The following RNF157 variants were observed in gnomAD, a reference collection of about 807,000 sequenced individuals.
RNF157 encodes ring finger protein 157, also known as E3 ubiquitin ligase RNF157.
In RNF157, 55 loss-of-function variants were observed where a neutral mutation model predicts 88.3. The ratio of observed to expected loss-of-function variants is 0.62; its 90% confidence interval spans 0.50 to 0.78. RNF157 has a LOEUF of 0.78. Ranked by LOEUF, RNF157 falls within the 30% of genes least tolerant of loss-of-function variation. The pLI, the probability that RNF157 is intolerant of heterozygous loss-of-function variation, is 0.00. For synonymous variants in RNF157, 334 were observed against 341.2 expected (o/e 0.98, Z 0.23); for missense variants, 788 against 860.8 (o/e 0.92, Z 1.06).
chr17:76,157,027 T>C lies in RNF157; in HGVS notation c.1414-706A>G, dbSNP rs1018635000. Reference sequence around the variant, plus strand: ...CCCAGCCCAGGCTGGAGTGCAGTGGTGCGGTCTTGGCTCACTGCAACCCCT... The same window carrying C: ...CCCAGCCCAGGCTGGAGTGCAGTGGCGCGGTCTTGGCTCACTGCAACCCCT... On this transcript the variant is annotated intron_variant, in intron 13 of 18. Transcript: ENST00000269391. This position sits in a 1 kb window ranked among gnomAD's most constrained non-coding sequence, Gnocchi z 5.6. Among the ~76,000 whole-genome samples the C allele has an allele frequency of 1.1e-4, 17 of 151,492 alleles. No homozygotes were observed. Among genetic ancestry groups the C allele is most frequent in the African/African-American group, 4.1e-4 (17 of 41,158 alleles).
chr17:76,211,279 C>G (rs1452198464), intron 2 of RNF157, among the ~76,000 whole-genome samples: 1 of 152,248 alleles, frequency 6.6e-6, no homozygotes. Context: ...CCGTGCTCTA[C>G]TCCTGGAAAG....
At position 76,156,427 on chromosome 17, in the gene RNF157, G is replaced by A. The variant is rs1026574457; in HGVS notation, c.1414-106C>T. On this transcript the variant is annotated intron_variant, in intron 13 of 18. Transcript: ENST00000269391. Reference sequence around the variant, plus strand: ...CTGGGTAGAGATGAGGAGGAAAGGCGACACTGGGAGGGACTGAGTGGCATG... The same window carrying A: ...CTGGGTAGAGATGAGGAGGAAAGGCAACACTGGGAGGGACTGAGTGGCATG... 4.2e-5 allele frequency: 64 copies of A among 1,538,142 alleles called. No homozygotes were observed. The East Asian group carries it at 6.3e-4, about 15-fold the overall frequency.
Position 76,239,379 on chromosome 17 carries a change from C to T in RNF157, c.88+774G>A, listed in dbSNP as rs139449789. 4.1e-3 allele frequency among the ~76,000 whole-genome samples: 620 copies of T among 152,268 alleles called. 4 individuals are homozygous for T. The highest frequency in any genetic ancestry group is 0.014 in the African/African-American group (584 of 41,556). ...GAGACATTTAAGTGAAGGGATGATT[C>T]TAATAACAAACATACTTCTATACGT... On this transcript the variant is annotated intron_variant, in intron 1 of 18. Coordinates refer to ENST00000269391, the MANE Select transcript of RNF157 (RefSeq NM_052916.3).
chr17:76,181,438 T>C (rs1390374134), intron 2 of RNF157, among the ~76,000 whole-genome samples: 1 of 152,080 alleles, frequency 6.6e-6, no homozygotes, highest in Admixed American at 6.6e-5. Flanking sequence ...GTCTATAAGA[T>C]CTAACAGTAC....
At chr17:76,233,325 G>C (rs1428711109) in intron 1 of RNF157, among the ~76,000 whole-genome samples, 1 of 152,098 alleles carries the variant, frequency 6.6e-6, no homozygotes, top group Non-Finnish European at 1.5e-5. Context: ...TTTTCTTTCA[G>C]AAAGTGGCTT....
chr17:76,190,166 CTCTCTT>C (rs2069360210), intron 2 of RNF157, among the ~76,000 whole-genome samples: 3 of 114,140 alleles, frequency 2.6e-5, no homozygotes, highest in Non-Finnish European at 4.4e-5. Flanking sequence ...ACTGCTTGCT[CTCTCTT>C]TTTTTTTTTT....
At chr17:76,167,926 G>A in intron 3 of RNF157, 129 bp from the exon 4 acceptor site, 1 of 907,160 alleles carries the variant, frequency 1.1e-6, no homozygotes, top group Non-Finnish European at 1.7e-6. Context: ...TCTTCATTCT[G>A]AATGATCACA....
intron 2 of RNF157, among the ~76,000 whole-genome samples, chr17:76,199,570 T>TAAAAAAAAAA (rs34151599): frequency 9.0e-6 from 1 of 110,984 alleles, no homozygotes; most frequent in Non-Finnish European, 1.9e-5. Flanking sequence ...AGCTGAAAGT[T>TAAAAAAAAAA]AAAAAAAAAA....
rs189870253 is a variant in RNF157, at chr17:76,193,850, C to T, written c.207+18514G>A. On this transcript the variant is annotated intron_variant, in intron 2 of 18. Coordinates refer to ENST00000269391, the MANE Select transcript of RNF157 (RefSeq NM_052916.3). ...CCCATAGTTTCAGATCTGAGATTAGCGCCTGGCCGAGGGCTGCTGATGCAG... is the reference window on the plus strand; with the variant it reads ...CCCATAGTTTCAGATCTGAGATTAGTGCCTGGCCGAGGGCTGCTGATGCAG... Among the ~76,000 whole-genome samples, 9 of 152,290 alleles carry T rather than the reference C, an allele frequency of 5.9e-5. No homozygotes were observed. The East Asian group carries it at 9.6e-4, about 16-fold the overall frequency.
chr17:76,216,273 A>G (rs1173338299), intron 1 of RNF157, among the ~76,000 whole-genome samples: 1 of 152,140 alleles, frequency 6.6e-6, no homozygotes, highest in Non-Finnish European at 1.5e-5. Context: ...TCCATGGATG[A>G]TTGGCTTAGA....
chr17:76,212,434 G>A lies in RNF157; in HGVS notation c.137C>T (p.Ser46Leu). The change falls in exon 2 of 19, where the codon TCA (serine) becomes TTA (leucine). Residue 46 changes from serine to leucine, a missense_variant. By Grantham distance (145) the Ser-to-Leu change is moderately radical. Coordinates refer to ENST00000269391, the MANE Select transcript of RNF157 (RefSeq NM_052916.3). The part of the protein sequence containing the change: ...HFIMGGEKFD[S>L]THPEGYLFGE... The stretch of plus-strand genomic sequence containing the variant: ...AAACAGGTAACCTTCAGGATGAGTT[G>A]AGTCAAACTTCTCTCCTCCCATAAT... 6.2e-7 allele frequency: 1 copy of A among 1,613,892 alleles called. No homozygotes were observed.
intron 16 of RNF157, chr17:76,154,762 C>A: frequency 4.4e-6 from 1 of 225,296 alleles, no homozygotes. Flanking sequence ...TGTGAGCTGG[C>A]GTTCCACAGC....
At chr17:76,221,695 T>C (rs141714594) in intron 1 of RNF157, among the ~76,000 whole-genome samples, 30 of 152,326 alleles carry the variant, frequency 2.0e-4, no homozygotes, top group Admixed American at 5.9e-4. Flanking sequence ...AAATAATAGA[T>C]GTTTAAATCA....
intron 2 of RNF157, among the ~76,000 whole-genome samples, chr17:76,201,714 T>G (rs556493804): frequency 2.0e-5 from 3 of 152,296 alleles, no homozygotes; most frequent in South Asian, 4.1e-4. Context: ...CATTATACAC[T>G]GCAACTTGCT....
At chr17:76,149,597 A>C (rs1286780646) in intron 18 of RNF157, among the ~76,000 whole-genome samples, 2 of 152,170 alleles carry the variant, frequency 1.3e-5, no homozygotes. Context: ...GTTCTCCAGC[A>C]AATTTTCTGC....
rs71161271 is a variant in RNF157 at position 76,185,475 on chromosome 17, C to CTTTTTT, written c.208-11691_208-11686dup. ...ACTAGTGGTCAGAGATTAGTCCTTT[C>CTTTTTT]TTTTTTTTTTTTGAGACGGAGTCTC... On this transcript the variant is annotated intron_variant, in intron 2 of 18. Transcript: ENST00000269391. Among the ~76,000 whole-genome samples, 34 of 141,904 alleles carry CTTTTTT rather than the reference C, an allele frequency of 2.4e-4. 1 individual carries two copies. The highest frequency in any genetic ancestry group is 2.8e-4 in the Admixed American group (4 of 14,330). The allele number at this position is 141,904 out of a possible 152,430, so 93.1% of individuals were successfully genotyped here.
At chr17:76,147,191 T>G in intron 18 of RNF157, 2 of 985,040 alleles carry the variant, frequency 2.0e-6, no homozygotes, top group Non-Finnish European at 2.4e-6. Context: ...TAAGGCAATA[T>G]TAATATTGCC....
intron 1 of RNF157, among the ~76,000 whole-genome samples, chr17:76,229,800 A>T (rs949838502): frequency 1.3e-5 from 2 of 152,218 alleles, no homozygotes; most frequent in Non-Finnish European, 2.9e-5. Context: ...TGGAACCTAA[A>T]CTGCTTGTAA....
intron 1 of RNF157, among the ~76,000 whole-genome samples, chr17:76,232,391 A>G (rs935350158): frequency 2.1e-5 from 3 of 144,448 alleles, no homozygotes; most frequent in Non-Finnish European, 4.5e-5. Flanking sequence ...TCTGTCTCTA[A>G]AAAAAAAAAG....
Sources: gnomAD v4.1 joint callset for allele counts (sites outside exome capture counted in the v4.1 genomes callset) on GRCh38, gnomAD v4.1.1 for gene constraint, Gnocchi (gnomAD v3.1) non-coding constraint, MANE v1.5 for transcripts, NCBI Gene and HGNC (gene_info 2026-07-23, HGNC 2026-07-21) for gene names.